Variants in B4GALNT4 observed in about 807,000 individuals in gnomAD.
B4GALNT4 encodes the protein beta-1,4-N-acetyl-galactosaminyltransferase 4, also known as N-acetyl-beta-glucosaminyl-glycoprotein 4-beta-N-acetylgalactosaminyltransferase 1.
B4GALNT4 carries 77 observed loss-of-function variants against 110.0 expected under a neutral mutation model. The observed-to-expected ratio is 0.70, with a 90% confidence interval of 0.58 to 0.85. B4GALNT4 has a LOEUF of 0.85. B4GALNT4 is among the 40% of genes least tolerant of loss of function. The pLI is 0.00. For missense variants in B4GALNT4, 1,575 were observed against 1,506.0 expected, an observed-to-expected ratio of 1.05 and a Z score of -0.76; for synonymous variants, 785 against 655.5, an observed-to-expected ratio of 1.20 and a Z score of -3.02.
At chr11:377,349 C>A in intron 14 of B4GALNT4, 22 bp downstream of exon 14, 1 of 1,477,898 alleles carries the variant, frequency 6.8e-7, no homozygotes, top group Non-Finnish European at 8.9e-7. Context: ...GCCGAACGCG[C>A]GCCAGGGCGG....
chr11:375,399 C>T, intron 8 of B4GALNT4, 62 bp from the exon 9 acceptor site: 3 of 1,551,624 alleles, frequency 1.9e-6, no homozygotes, highest in Admixed American at 1.7e-5. Flanking sequence ...CCAGGGTAGA[C>T]CCTTTCTTCC....
At chr11:372,977 G>T in intron 4 of B4GALNT4, 30 bp downstream of exon 4, 1 of 1,612,404 alleles carries the variant, frequency 6.2e-7, no homozygotes, top group South Asian at 1.1e-5. Flanking sequence ...GGTGCCGGGT[G>T]GGCAGGGCAC....
chr11:377,235 A>G lies in B4GALNT4; in HGVS notation c.2112A>G (p.Arg704=). The G allele has an allele frequency of 6.3e-7, 1 of 1,598,618 alleles. No homozygotes were observed. Among genetic ancestry groups the G allele is most frequent in the Non-Finnish European group, 8.5e-7 (1 of 1,173,590 alleles). ...ELLRSDWNDL[R]CNVSGNLQLP... is the part of the protein sequence containing the mutation. ...TGCGCTCGGACTGGAACGACCTGCG[A>G]TGCAACGTTTCGGGGAACCTGCAGC... Residue 704 remains arginine (R), a synonymous_variant, in exon 14 of 20, where the codon CGA becomes CGG. Transcript: ENST00000329962.
rs1208212214 is a variant in B4GALNT4 at position 377,125 on chromosome 11, G to T, written c.2002G>T (p.Ala668Ser). 1 of 1,502,880 alleles carries T rather than the reference G, an allele frequency of 6.7e-7. No individual in the cohort carries two copies. The highest frequency in any genetic ancestry group is 8.9e-7 in the Non-Finnish European group (1 of 1,126,896). 93.1% of individuals were successfully genotyped at this position (1,502,880 alleles called of 1,614,324 possible). The change falls in exon 14 of 20, where the codon GCG becomes TCG. Residue 668 changes from alanine (A) to serine (S), a missense_variant. By Grantham distance (99) the Ala-to-Ser change is moderately conservative. Transcript: ENST00000329962. ...EAASEDSEEA[A>S]GPALGRWRED... ...CGCGTCGGAGGACAGCGAGGAGGCCGCGGGCCCGGCGCTCGGACGCTGGCG... is the reference window on the plus strand; with the variant it reads ...CGCGTCGGAGGACAGCGAGGAGGCCTCGGGCCCGGCGCTCGGACGCTGGCG...
intron 18 of B4GALNT4, 174 bp from the exon 19 acceptor site, chr11:380,651 G>A (rs1056117264): frequency 1.6e-6 from 2 of 1,282,674 alleles, no homozygotes; most frequent in Admixed American, 1.8e-5. Flanking sequence ...AGTATCCCGC[G>A]TTTATGCACC....
At chr11:375,377 C>G (rs1387263106) in intron 8 of B4GALNT4, 84 bp from the exon 9 acceptor site, 1 of 1,423,220 alleles carries the variant, frequency 7.0e-7, no homozygotes, top group Non-Finnish European at 9.9e-7. Flanking sequence ...CTATTAGTCC[C>G]CCGGCCCTGA....
At chr11:377,876 C>G (rs1225855229) in intron 14 of B4GALNT4, among the ~76,000 whole-genome samples, 1 of 152,200 alleles carries the variant, frequency 6.6e-6, no homozygotes, top group Admixed American at 6.5e-5. Flanking sequence ...TGCTGTCTGC[C>G]CTCCCTGCAG....
Position 376,412 on chromosome 11 carries a change from T to C in B4GALNT4, c.1298-9T>C. 1.9e-6 allele frequency: 3 copies of C among 1,600,972 alleles called. No homozygotes were observed. In the South Asian group the frequency reaches 3.3e-5, roughly 18 times the overall value. ...TGCGCAGGGAGCTTCTAACCCGCGT[T>C]TCCCGCAGACTTCCTGGACGACGAG... On this transcript the variant is annotated splice_polypyrimidine_tract_variant and intron_variant, in intron 13 of 19. Transcript: ENST00000329962.
intron 6 of B4GALNT4, 52 bp from the exon 7 acceptor site, chr11:373,397 G>A: frequency 6.8e-7 from 1 of 1,475,058 alleles, no homozygotes; most frequent in Admixed American, 1.8e-5. Flanking sequence ...GTGTCCCCAG[G>A]GAGAGAGTGA....
intron 13 of B4GALNT4, 30 bp downstream of exon 13, chr11:376,381 C>G: frequency 6.2e-7 from 1 of 1,603,296 alleles, no homozygotes. Flanking sequence ...CTGGCCCGCA[C>G]CCACCTGCGC....
Position 382,036 on chromosome 11 carries a change from G to C in B4GALNT4, c.*244G>C, listed in dbSNP as rs781729450. On this transcript the variant is annotated 3_prime_UTR_variant, in exon 20 of 20. Transcript: ENST00000329962. The stretch of plus-strand genomic sequence containing the variant: ...TTCTGTGAAATTTTGCTGTAGCGAT[G>C]ACATTGTTTTCAGAATTTCCAAGAG... The C allele has an allele frequency of 3.5e-5, 14 of 400,040 alleles. No individual in the cohort carries two copies. Among genetic ancestry groups the C allele is most frequent in the Non-Finnish European group, 5.3e-5 (12 of 225,566 alleles). 24.8% of individuals were successfully genotyped at this position (400,040 alleles called of 1,614,324 possible).
Position 380,377 on chromosome 11 carries a change from A to C in B4GALNT4, c.2801A>C (p.Glu934Ala). 1 of 1,613,240 alleles carries C rather than the reference A, an allele frequency of 6.2e-7. No homozygotes were observed. The highest frequency in any genetic ancestry group is 8.5e-7 in the Non-Finnish European group (1 of 1,179,748). The change falls in exon 18 of 20, where the codon GAG becomes GCG. Residue 934 changes from glutamate (E) to alanine (A), a missense_variant. Transcript: ENST00000329962. Reference protein sequence around the residue: ...ILDGIRKHCVEGRLAFAPVVM... With the variant: ...ILDGIRKHCVAGRLAFAPVVM... ...GACGGCATCCGCAAGCACTGCGTGG[A>C]GGGCAGGCTGGCCTTCGCGCCCGTG...
At position 379,682 on chromosome 11, in the gene B4GALNT4, G is replaced by T. The variant is rs758407647; in HGVS notation, c.2469G>T (p.Met823Ile). The change falls in exon 15 of 20, where the codon ATG becomes ATT. Residue 823 changes from methionine (M) to isoleucine (I), a missense_variant. Physicochemically the swap from Met to Ile is conservative, Grantham distance 10. Transcript: ENST00000329962. ...GCCTGGCCTGGCGCCAGGACGTGAT[G>T]GTTCACTTCATCGTGCCAGGTTCGC... ...PLRLAWRQDV[M>I]VHFIVPVKNQ... The T allele has an allele frequency of 2.7e-6, 4 of 1,502,372 alleles. No homozygotes were observed. The highest frequency in any genetic ancestry group is 3.5e-6 in the Non-Finnish European group (4 of 1,128,706). The allele number at this position is 1,502,372 out of a possible 1,614,324, so 93.1% of individuals were successfully genotyped here.
Position 372,659 on chromosome 11 carries a change from C to T in B4GALNT4, c.256-3C>T, listed in dbSNP as rs562455133. 1 of 1,611,098 alleles carries T rather than the reference C, an allele frequency of 6.2e-7. No homozygotes were observed. The highest frequency in any genetic ancestry group is 1.3e-5 in the African/African-American group (1 of 74,996). On this transcript the variant is annotated splice_polypyrimidine_tract_variant and splice_region_variant and intron_variant, in intron 2 of 19. Transcript: ENST00000329962. ...TGACCCTGTTGCCTTTTCTCTCCTG[C>T]AGCCCGAAGGTCGGGACCTAGACAT... is the stretch of plus-strand genomic sequence containing the variant.
chr11:370,229 G>A (rs1846593358), intron 1 of B4GALNT4, among the ~76,000 whole-genome samples: 1 of 152,042 alleles, frequency 6.6e-6, no homozygotes, highest in African/African-American at 2.4e-5. Flanking sequence ...TCCCAGAGAG[G>A]GTCCCTGACT....
Position 372,270 on chromosome 11 carries a change from G to C in B4GALNT4, c.255+58G>C, listed in dbSNP as rs1590334206. ...CGGAGACGAGACCCCGAAGCCACTT[G>C]TGTGTTGGTGTCTTGAGAACCTGTC... On this transcript the variant is annotated intron_variant, in intron 2 of 19. Transcript: ENST00000329962. The C allele has an allele frequency of 2.0e-6, 3 of 1,469,204 alleles. No homozygotes were observed. The Admixed American group carries it at 5.9e-5, about 29-fold the overall frequency. 91.0% of individuals were successfully genotyped at this position (1,469,204 alleles called of 1,614,324 possible).
chr11:379,307 C>T, intron 14 of B4GALNT4, 111 bp from the exon 15 acceptor site: 5 of 1,249,512 alleles, frequency 4.0e-6, no homozygotes, highest in Non-Finnish European at 5.3e-6. Context: ...GCGGAGCCCG[C>T]AGCCTCCGCC....
chr11:373,303 C>G lies in B4GALNT4; in HGVS notation c.636+12C>G. The G allele has an allele frequency of 6.2e-7, 1 of 1,605,584 alleles. No individual in the cohort carries two copies. Among genetic ancestry groups the G allele is most frequent in the South Asian group, 1.1e-5 (1 of 90,748 alleles). On this transcript the variant is annotated intron_variant, in intron 6 of 19. Transcript: ENST00000329962. The stretch of plus-strand genomic sequence containing the variant: ...CCTTTGTGGGCAAGGTACCCCCACC[C>G]CAGCCCTGGTGTCGTCCCGGGCCTC...
chr11:379,152 C>G (rs1377448668), intron 14 of B4GALNT4, among the ~76,000 whole-genome samples: 1 of 152,196 alleles, frequency 6.6e-6, no homozygotes, highest in African/African-American at 2.4e-5. Flanking sequence ...TCACCTGGGA[C>G]GTGAGTGGTG....
Sources: allele counts gnomAD v4.1 joint callset (sites outside exome capture counted in the v4.1 genomes callset), GRCh38; gene constraint gnomAD v4.1.1; transcripts MANE v1.5; gene names NCBI Gene and HGNC (gene_info 2026-07-23, HGNC 2026-07-21).